Variants in DAB1 observed in about 807,000 individuals in gnomAD.
DAB1 encodes the protein DAB adaptor protein 1.
Under a neutral mutation model 64.6 loss-of-function variants are expected in DAB1, and 15 were observed. The ratio of observed to expected loss-of-function variants is 0.23; its 90% CI spans 0.16 to 0.36. DAB1 has a LOEUF of 0.36. Ranked by LOEUF, DAB1 falls within the 10% of genes least tolerant of loss-of-function variation. The pLI is 1.00. For synonymous variants in DAB1, 235 were observed against 251.9 expected, an observed-to-expected ratio of 0.93 and a Z score of 0.64; for missense variants, 596 against 706.7, an observed-to-expected ratio of 0.84 and a Z score of 1.78.
intron 6 of DAB1, among the ~76,000 whole-genome samples, chr1:57,802,822 C>T (rs1651191406): frequency 6.6e-6 from 1 of 152,164 alleles, no homozygotes; most frequent in South Asian, 2.1e-4. Context: ...GCCAATTAAA[C>T]CTCTTTTCTT....
intron 6 of DAB1, among the ~76,000 whole-genome samples, chr1:57,760,661 C>A (rs1472022244): frequency 6.6e-6 from 1 of 151,614 alleles, no homozygotes; most frequent in Non-Finnish European, 1.5e-5. Context: ...CACACACAGA[C>A]ACACACACAT....
chr1:57,887,825 G>A (rs975716625), upstream of DAB1, among the ~76,000 whole-genome samples: 1 of 152,146 alleles, frequency 6.6e-6, no homozygotes, highest in African/African-American at 2.4e-5. Context: ...AAAATTAATG[G>A]TGTTGGTTTT....
upstream of DAB1, among the ~76,000 whole-genome samples, chr1:57,884,643 C>T (rs1644196088): frequency 6.6e-6 from 1 of 152,208 alleles, no homozygotes; most frequent in African/African-American, 2.4e-5. Flanking sequence ...ACATGCTCTT[C>T]AGAAAATGTA....
chr1:58,052,013 T>C (rs1458744119), intron 5 of DAB1, among the ~76,000 whole-genome samples: 1 of 152,202 alleles, frequency 6.6e-6, no homozygotes, highest in Non-Finnish European at 1.5e-5. Context: ...ACTCTGATGG[T>C]AGTTTCTTTT....
intron 5 of DAB1, among the ~76,000 whole-genome samples, chr1:57,970,282 C>T (rs934707212): frequency 6.6e-6 from 1 of 152,172 alleles, no homozygotes; most frequent in Non-Finnish European, 1.5e-5. Flanking sequence ...AAATGGATCT[C>T]ACCTAGAGGT....
Position 57,610,793 on chromosome 1 carries a change from A to G in DAB1, n.625+38799T>C, listed in dbSNP as rs574013430. Among the ~76,000 whole-genome samples the G allele has an allele frequency of 2.0e-4, 31 of 152,318 alleles. No individual in the cohort carries two copies. In the South Asian group the frequency reaches 6.4e-3, roughly 32 times the overall value. ...CATGAGGGAAACCACCCCCATGATC[A>G]ATTCACTTCCCATGAGGTCCGTTTC... On this transcript the variant is annotated intron_variant and non_coding_transcript_variant, in intron 7 of 20. Transcript: ENST00000485760.
chr1:58,347,718 G>A (rs1644015124), intron 3 of DAB1, among the ~76,000 whole-genome samples: 1 of 152,158 alleles, frequency 6.6e-6, no homozygotes, highest in African/African-American at 2.4e-5. Context: ...AACATTCCAA[G>A]GTTCTCTTGC....
At chr1:58,486,846 T>G (rs546612181) in intron 3 of DAB1, among the ~76,000 whole-genome samples, 10 of 152,118 alleles carry the variant, frequency 6.6e-5, no homozygotes, top group African/African-American at 2.4e-4. Context: ...GACACTAGCT[T>G]AATGGGGGAC....
chr1:58,366,403 T>C (rs1356305207), intron 3 of DAB1, among the ~76,000 whole-genome samples: 4 of 152,220 alleles, frequency 2.6e-5, no homozygotes, highest in East Asian at 1.9e-4. Context: ...TCTGATTTTA[T>C]GGTGCATTGG....
At chr1:57,513,197 C>T (rs1216446326) in intron 7 of DAB1, among the ~76,000 whole-genome samples, 3 of 152,014 alleles carry the variant, frequency 2.0e-5, no homozygotes, top group East Asian at 1.9e-4. Flanking sequence ...TCACTTCTGC[C>T]GTGTTAGCAT....
chr1:57,659,750 G>GC (rs758083926), intron 6 of DAB1, among the ~76,000 whole-genome samples: 6 of 152,062 alleles, frequency 3.9e-5, no homozygotes, highest in Non-Finnish European at 8.8e-5. Flanking sequence ...GCTGAGGTGG[G>GC]CAGATGGCTT....
chr1:57,559,930 C>G (rs974895303), intron 7 of DAB1, among the ~76,000 whole-genome samples: 3 of 152,222 alleles, frequency 2.0e-5, no homozygotes, highest in Non-Finnish European at 4.4e-5. Flanking sequence ...ACCACATCAC[C>G]ATTCAGCTCT....
At chr1:57,671,009 A>G (rs1353780460) in intron 6 of DAB1, among the ~76,000 whole-genome samples, 1 of 152,182 alleles carries the variant, frequency 6.6e-6, no homozygotes, top group Non-Finnish European at 1.5e-5. Flanking sequence ...TACAATGCCT[A>G]CATGTCACTT....
intron 1 of DAB1, among the ~76,000 whole-genome samples, chr1:57,841,851 C>T (rs1258936963): frequency 6.6e-6 from 1 of 152,054 alleles, no homozygotes; most frequent in East Asian, 1.9e-4. Context: ...GTGGCATTTT[C>T]CTCATTGTCT....
At chr1:58,436,661 A>G (rs992912392) in intron 3 of DAB1, among the ~76,000 whole-genome samples, 5 of 152,274 alleles carry the variant, frequency 3.3e-5, no homozygotes, top group African/African-American at 7.2e-5. Flanking sequence ...TCAAAAAAGT[A>G]GAAATACTAG....
chr1:58,421,012 A>G (rs1047610521), intron 3 of DAB1, among the ~76,000 whole-genome samples: 20 of 152,210 alleles, frequency 1.3e-4, no homozygotes, highest in Admixed American at 1.0e-3. Flanking sequence ...TTCAAGGGCT[A>G]CAAACTGAGA....
intron 4 of DAB1, among the ~76,000 whole-genome samples, chr1:58,276,232 T>C (rs940177040): frequency 2.0e-5 from 3 of 152,312 alleles, no homozygotes; most frequent in Admixed American, 2.0e-4. Flanking sequence ...TGGAATTGAG[T>C]GCATGACAAT....
At chr1:57,059,108 A>T (rs1372896778) in intron 9 of DAB1, among the ~76,000 whole-genome samples, 2 of 152,226 alleles carry the variant, frequency 1.3e-5, no homozygotes, top group Non-Finnish European at 2.9e-5. Context: ...TTGCTAGAGC[A>T]CTGCCTGAAA....
chr1:57,055,325 A>G (rs1024635464), intron 9 of DAB1, among the ~76,000 whole-genome samples: 1 of 152,228 alleles, frequency 6.6e-6, no homozygotes, highest in African/African-American at 2.4e-5. Context: ...CAAATCTGCT[A>G]GAAAGACAGA....
Sources: allele counts gnomAD v4.1 joint callset (sites outside exome capture counted in the v4.1 genomes callset), GRCh38; gene constraint gnomAD v4.1.1; transcripts MANE v1.5; gene names NCBI Gene and HGNC (gene_info 2026-07-23, HGNC 2026-07-21).